Variants in ATXN7 observed in about 807,000 individuals in gnomAD.
ATXN7 encodes the protein ataxin-7.
Under a neutral mutation model 70.5 loss-of-function variants are expected in ATXN7, and 12 were observed. The observed-to-expected ratio is 0.17, with a 90% CI of 0.11 to 0.28. The LOEUF (loss-of-function observed/expected upper bound fraction) is 0.28. ATXN7 is among the 10% of genes least tolerant of loss of function. The pLI, the probability that ATXN7 is intolerant of heterozygous loss-of-function variation, is 1.00. For synonymous variants in ATXN7, 498 were observed against 448.7 expected, an observed-to-expected ratio of 1.11 and a Z score of -1.39; for missense variants, 1,256 against 1,131.7, an observed-to-expected ratio of 1.11 and a Z score of -1.58.
chr3:63,953,837 AG>A, intron 5 of ATXN7, among the ~76,000 whole-genome samples: 1 of 152,050 alleles, frequency 6.6e-6, no homozygotes, highest in South Asian at 2.1e-4. Context: ...TAGTAGAGAC[AG>A]GGTTTCACCA....
intron 1 of ATXN7, among the ~76,000 whole-genome samples, chr3:63,871,893 TTTAA>T (rs1200354291): frequency 6.6e-6 from 1 of 152,238 alleles, no homozygotes; most frequent in Admixed American, 6.5e-5. Context: ...AATTTAATGC[TTTAA>T]TTATCAATTA....
chr3:63,868,803 C>T (rs1702510936), intron 1 of ATXN7, among the ~76,000 whole-genome samples: 1 of 152,146 alleles, frequency 6.6e-6, no homozygotes, highest in Non-Finnish European at 1.5e-5. Flanking sequence ...TAGTCCATCA[C>T]CCCTAAAAGT....
At chr3:63,913,089 TGA>T in intron 3 of ATXN7, 66 bp from the exon 4 acceptor site, 13 of 1,514,146 alleles carry the variant, frequency 8.6e-6, no homozygotes, top group Non-Finnish European at 1.2e-5. Context: ...CGTGCGTGCG[TGA>T]GTGTGCGTCA....
chr3:63,987,906 C>T (rs2075605196), intron 8 of ATXN7, among the ~76,000 whole-genome samples, 153 bp from the exon 9 acceptor site: 1 of 152,046 alleles, frequency 6.6e-6, no homozygotes, highest in Non-Finnish European at 1.5e-5. Context: ...AAATAATGGG[C>T]TCTTAAGGTT....
At chr3:63,874,098 T>C (rs1702676017) in intron 1 of ATXN7, among the ~76,000 whole-genome samples, 1 of 152,234 alleles carries the variant, frequency 6.6e-6, no homozygotes, top group Non-Finnish European at 1.5e-5. Flanking sequence ...CTAAATGCAA[T>C]ACTACATGTG....
chr3:63,993,583 T>G (rs2075708627), intron 11 of ATXN7, among the ~76,000 whole-genome samples: 1 of 152,226 alleles, frequency 6.6e-6, no homozygotes, highest in South Asian at 2.1e-4. Flanking sequence ...CTACATAGTT[T>G]ATTTATGCAA....
At chr3:63,977,143 T>A (rs998939380) in intron 5 of ATXN7, among the ~76,000 whole-genome samples, 1 of 152,190 alleles carries the variant, frequency 6.6e-6, no homozygotes, top group Non-Finnish European at 1.5e-5. Context: ...CCTACGTGGC[T>A]CATTTCAGCC....
intron 4 of ATXN7, among the ~76,000 whole-genome samples, chr3:63,923,657 G>A (rs1210438031): frequency 6.6e-6 from 1 of 152,014 alleles, no homozygotes; most frequent in Non-Finnish European, 1.5e-5. Flanking sequence ...AAAATTAGCT[G>A]GTCATGGTGA....
intron 5 of ATXN7, among the ~76,000 whole-genome samples, chr3:63,955,519 A>G (rs989426346): frequency 6.6e-5 from 10 of 152,192 alleles, no homozygotes; most frequent in African/African-American, 2.4e-4. Context: ...CCCAGGACCA[A>G]CAACCTTTCC....
intron 6 of ATXN7, among the ~76,000 whole-genome samples, chr3:63,981,607 C>G (rs1262874036): frequency 2.0e-5 from 3 of 152,184 alleles, no homozygotes; most frequent in African/African-American, 7.2e-5. Flanking sequence ...TTTTCAAGGA[C>G]TGGAGAATTA....
intron 10 of ATXN7, 115 bp from the exon 11 acceptor site, chr3:63,990,623 T>C: frequency 6.8e-7 from 1 of 1,474,992 alleles, no homozygotes; most frequent in Admixed American, 1.7e-5. Flanking sequence ...CAGCCTCCGG[T>C]ACTCAGAGGC....
chr3:63,935,003 TTGTC>T lies in ATXN7; in HGVS notation c.395-17372_395-17369del, dbSNP rs1300835525. Among the ~76,000 whole-genome samples, 4 of 152,320 alleles carry T rather than the reference TTGTC, an allele frequency of 2.6e-5. No individual in the cohort carries two copies. In the East Asian group the frequency reaches 7.7e-4, roughly 29 times the overall value. On this transcript the variant is annotated intron_variant, in intron 4 of 12. Transcript: ENST00000674280. The stretch of plus-strand genomic sequence containing the variant: ...TTGCCAGTGTTTCCTGGGGGCAAAA[TTGTC>T]TGTGCTTGAAAACCACAACTTTAAT...
At position 63,996,166 on chromosome 3, in the gene ATXN7, G is replaced by C. The variant is rs148498434; in HGVS notation, c.2344G>C (p.Gly782Arg). 4 of 1,614,018 alleles carry C rather than the reference G, an allele frequency of 2.5e-6. No homozygotes were observed. The highest frequency in any genetic ancestry group is 3.4e-6 in the Non-Finnish European group (4 of 1,180,044). The change falls in exon 12 of 13, where the codon GGG becomes CGG. Residue 782 changes from glycine to arginine, a missense_variant. Gly to Arg is a moderately radical substitution (Grantham distance 125). Coordinates refer to ENST00000674280, the MANE Select transcript of ATXN7 (RefSeq NM_001377405.1). ...CCAGTCAGGGAGGGGCCCCCCCACCGGGAGCCCTGCTGAATCCATCAAGAG... is the reference window on the plus strand; with the variant it reads ...CCAGTCAGGGAGGGGCCCCCCCACCCGGAGCCCTGCTGAATCCATCAAGAG... The part of the protein sequence containing the change: ...HDQSGRGPPT[G>R]SPAESIKRMS...
Position 63,952,544 on chromosome 3 carries a change from C to T in ATXN7, c.499+61C>T. ...AGGTAAAAGGTAAAGCAAGATTAAACTAAGGAACAGTGATGGCATGCATGG... is the reference window on the plus strand; with the variant it reads ...AGGTAAAAGGTAAAGCAAGATTAAATTAAGGAACAGTGATGGCATGCATGG... On this transcript the variant is annotated intron_variant, in intron 5 of 12. Coordinates refer to ENST00000674280, the MANE Select transcript of ATXN7 (RefSeq NM_001377405.1). 3.2e-6 allele frequency: 4 copies of T among 1,251,292 alleles called. No individual in the cohort carries two copies. The South Asian group carries it at 5.8e-5, about 18-fold the overall frequency. 77.5% of individuals were successfully genotyped at this position (1,251,292 alleles called of 1,614,324 possible).
At chr3:63,942,100 G>C (rs924347911) in intron 4 of ATXN7, among the ~76,000 whole-genome samples, 1 of 152,164 alleles carries the variant, frequency 6.6e-6, no homozygotes, top group Non-Finnish European at 1.5e-5. Context: ...AGAGGTACCC[G>C]CAGGAGTCTG....
chr3:63,875,225 G>A (rs1439109072), intron 1 of ATXN7, among the ~76,000 whole-genome samples: 1 of 152,088 alleles, frequency 6.6e-6, no homozygotes, highest in Non-Finnish European at 1.5e-5. Context: ...TGAGTAGCTG[G>A]GACTGCAGGT....
intron 5 of ATXN7, among the ~76,000 whole-genome samples, chr3:63,956,864 G>T (rs17069527): frequency 6.6e-6 from 1 of 152,188 alleles, no homozygotes; most frequent in Non-Finnish European, 1.5e-5. Context: ...AATTGCCAGA[G>T]AACTTTTAAG....
chr3:63,901,726 C>G (rs1355940826), intron 2 of ATXN7: 2 of 152,202 alleles, frequency 1.3e-5, no homozygotes, highest in Admixed American at 1.3e-4. Context: ...TGTGAGCTAC[C>G]ATATCTGGCT....
chr3:63,886,914 A>T (rs753358535), intron 1 of ATXN7, among the ~76,000 whole-genome samples: 1 of 152,176 alleles, frequency 6.6e-6, no homozygotes, highest in Non-Finnish European at 1.5e-5. Context: ...GGAATTTCCT[A>T]CTGGCATGAC....
Sources: gnomAD v4.1 joint callset for allele counts (sites outside exome capture counted in the v4.1 genomes callset) on GRCh38, gnomAD v4.1.1 for gene constraint, MANE v1.5 for transcripts, NCBI Gene and HGNC (gene_info 2026-07-23, HGNC 2026-07-21) for gene names.